TOX2: variants seen among roughly 807,000 people sequenced by gnomAD.
The protein encoded by TOX2 is granulosa cell HMG box 1.
TOX2 carries 15 observed loss-of-function variants against 47.4 expected under a neutral mutation model. That is an observed-to-expected ratio of 0.32 (90% CI 0.21 to 0.49). The LOEUF (loss-of-function observed/expected upper bound fraction) is 0.49, where lower values mean the gene tolerates loss of function less well. TOX2 is among the 20% of genes least tolerant of loss of function. TOX2 has a pLI of 0.99. For missense variants in TOX2, 622 were observed against 673.1 expected (o/e 0.92, Z 0.84); for synonymous variants, 290 against 296.6 (o/e 0.98, Z 0.23).
rs568112121 is a variant in TOX2, at chr20:43,994,460, A to C, written c.166-12087A>C. ...GGTGACAGAGCCAGACCCTGTCTCC[A>C]AAAAAAAAAAAAAAGACTACCACTT... On this transcript the variant is annotated intron_variant, in intron 2 of 8. Coordinates refer to ENST00000341197, the MANE Select transcript of TOX2 (RefSeq NM_001098797.2). Among the ~76,000 whole-genome samples, 47 of 49,306 alleles carry C rather than the reference A, an allele frequency of 9.5e-4. No homozygotes were observed. In the East Asian group the frequency reaches 0.011, roughly 12 times the overall value. The allele number at this position is 49,306 out of a possible 152,430, so 32.3% of individuals were successfully genotyped here. A position where few individuals can be genotyped will look rare whatever the true frequency, so the allele number is the denominator to read the frequency against.
At chr20:43,995,679 T>C (rs1387640998) in intron 2 of TOX2, among the ~76,000 whole-genome samples, 2 of 152,206 alleles carry the variant, frequency 1.3e-5, no homozygotes, top group African/African-American at 2.4e-5. Context: ...CACCCTCAAG[T>C]AGAACCCAGT....
chr20:43,972,701 CACA>C (rs1489852320), intron 1 of TOX2, among the ~76,000 whole-genome samples: 1 of 152,202 alleles, frequency 6.6e-6, no homozygotes, highest in Non-Finnish European at 1.5e-5. Context: ...TCCCAGAGCC[CACA>C]TCTCTTCCCC....
At chr20:44,008,287 A>T (rs1410569473) in intron 3 of TOX2, among the ~76,000 whole-genome samples, 3 of 152,028 alleles carry the variant, frequency 2.0e-5, no homozygotes, top group Admixed American at 2.0e-4. Context: ...GAGGCCAGGC[A>T]TGGTGGCTCA....
At chr20:44,005,915 G>A (rs1216458625) in intron 2 of TOX2, among the ~76,000 whole-genome samples, 1 of 152,050 alleles carries the variant, frequency 6.6e-6, no homozygotes, top group Non-Finnish European at 1.5e-5. Context: ...TTGTCCTGGA[G>A]GTTCCTGGAC....
chr20:44,000,401 G>T (rs1600723681), intron 2 of TOX2, among the ~76,000 whole-genome samples: 1 of 152,120 alleles, frequency 6.6e-6, no homozygotes, highest in South Asian at 2.1e-4. Flanking sequence ...AGGGGTCAAG[G>T]GTGACACCTT....
chr20:44,011,459 C>T (rs1363899275), intron 3 of TOX2, among the ~76,000 whole-genome samples: 1 of 152,070 alleles, frequency 6.6e-6, no homozygotes, highest in Non-Finnish European at 1.5e-5. Flanking sequence ...GAAGAGGCCC[C>T]TTAGATGTGG....
chr20:43,989,365 A>C (rs2070328190), intron 2 of TOX2, among the ~76,000 whole-genome samples: 1 of 152,212 alleles, frequency 6.6e-6, no homozygotes, highest in Non-Finnish European at 1.5e-5. Flanking sequence ...TAAAGACAGA[A>C]TCAACATGGA....
At chr20:43,956,105 G>A (rs2069664433) in intron 1 of TOX2, among the ~76,000 whole-genome samples, 2 of 152,216 alleles carry the variant, frequency 1.3e-5, no homozygotes, top group South Asian at 4.1e-4. Context: ...TTGTGTGCAT[G>A]CTGCGGGTAG....
chr20:43,958,561 A>G (rs1357264898), intron 1 of TOX2, among the ~76,000 whole-genome samples: 2 of 151,848 alleles, frequency 1.3e-5, no homozygotes, highest in Admixed American at 6.6e-5. Context: ...GCAGATACCC[A>G]TTTTCCCTAT....
At position 43,935,449 on chromosome 20, in the gene TOX2, G is replaced by A. The variant is rs537074865; in HGVS notation, c.99+20459G>A. 2.4e-4 allele frequency among the ~76,000 whole-genome samples: 37 copies of A among 152,330 alleles called. No individual in the cohort carries two copies. In the South Asian group the frequency reaches 5.8e-3, roughly 24 times the overall value. ...GTACCAGTGGAGTTGGGGCGGGGAC[G>A]AGGAGGAACTACTGTTCAGTGAATA... On this transcript the variant is annotated intron_variant, in intron 1 of 8. Coordinates refer to ENST00000341197, the MANE Select transcript of TOX2 (RefSeq NM_001098797.2).
chr20:44,023,431 G>GGA lies in TOX2; in HGVS notation c.411+16639_411+16640insGA, dbSNP rs1555841868. Among the ~76,000 whole-genome samples the GGA allele has an allele frequency of 3.4e-4, 41 of 119,146 alleles. 7 individuals are homozygous for GGA. Among genetic ancestry groups the GGA allele is most frequent in the Non-Finnish European group, 3.5e-4 (21 of 59,314 alleles). 78.2% of individuals were successfully genotyped at this position (119,146 alleles called of 152,430 possible). On this transcript the variant is annotated intron_variant, in intron 3 of 8. Coordinates refer to ENST00000341197, the MANE Select transcript of TOX2 (RefSeq NM_001098797.2). ...GGTGACAGAGCTAGACTTTATCTCA[G>GGA]AAAAAAAAAAAAAAAAAAAGGAGGG... is the stretch of plus-strand genomic sequence containing the variant.
At chr20:43,998,727 CTATCTATCTATCT>C (rs1569079359) in intron 2 of TOX2, among the ~76,000 whole-genome samples, 17 of 138,620 alleles carry the variant, frequency 1.2e-4, no homozygotes, top group Non-Finnish European at 2.1e-4. Context: ...ATACATCTAT[CTATCTATCTATCT>C]ATCTATCTAT....
chr20:43,944,681 C>T (rs1214926815), intron 1 of TOX2, among the ~76,000 whole-genome samples: 2 of 152,182 alleles, frequency 1.3e-5, no homozygotes, highest in Non-Finnish European at 2.9e-5. Flanking sequence ...AGGATGATTC[C>T]CCAGAGCGCT....
At chr20:43,994,198 C>T (rs2070424444) in intron 2 of TOX2, among the ~76,000 whole-genome samples, 1 of 151,884 alleles carries the variant, frequency 6.6e-6, no homozygotes, top group Admixed American at 6.6e-5. Context: ...GGCACGGTGG[C>T]TCATGCCTAT....
intron 1 of TOX2, among the ~76,000 whole-genome samples, chr20:43,955,439 G>C (rs1228619054): frequency 6.6e-6 from 1 of 152,202 alleles, no homozygotes; most frequent in Non-Finnish European, 1.5e-5. Flanking sequence ...GCTGGTTCAG[G>C]GGCAGGGGTT....
chr20:43,965,578 A>C (rs1276808867), intron 1 of TOX2, among the ~76,000 whole-genome samples: 2 of 152,124 alleles, frequency 1.3e-5, no homozygotes, highest in African/African-American at 4.8e-5. Flanking sequence ...CTTTGTGATG[A>C]TCTATTTGCA....
In TOX2 at chr20:44,068,681, A is replaced by G; in HGVS notation, c.1516A>G (p.Thr506Ala). The G allele has an allele frequency of 1.9e-6, 3 of 1,613,554 alleles. No individual in the cohort carries two copies. Among genetic ancestry groups the G allele is most frequent in the Non-Finnish European group, 2.5e-6 (3 of 1,179,816 alleles). Reference sequence around the variant, plus strand: ...CCCCAGGGACAAATCGCTCTACCTCACCTAATCCCGCCTCCCTACCATCCC... The same window carrying G: ...CCCCAGGGACAAATCGCTCTACCTCGCCTAATCCCGCCTCCCTACCATCCC... ...LLPRDKSLYL[T>A] is the part of the protein sequence containing the mutation. The change falls in exon 9 of 9, where the codon ACC becomes GCC. Residue 506 changes from threonine (T) to alanine (A), a missense_variant. Transcript: ENST00000341197.
intron 1 of TOX2, among the ~76,000 whole-genome samples, chr20:43,962,214 G>A (rs192211273): frequency 6.6e-4 from 100 of 152,282 alleles, no homozygotes; most frequent in African/African-American, 2.3e-3. Context: ...AGAAATACAG[G>A]CCTGCCAGGC....
At chr20:43,958,616 C>T (rs1484061721) in intron 1 of TOX2, among the ~76,000 whole-genome samples, 1 of 152,264 alleles carries the variant, frequency 6.6e-6, no homozygotes, top group Non-Finnish European at 1.5e-5. Flanking sequence ...CCTAGTGCCC[C>T]TCTGCACCTG....
Sources: gnomAD v4.1 joint callset for allele counts (sites outside exome capture counted in the v4.1 genomes callset) on GRCh38, gnomAD v4.1.1 for gene constraint, MANE v1.5 for transcripts, NCBI Gene and HGNC (gene_info 2026-07-23, HGNC 2026-07-21) for gene names.